The following NIPSNAP2 variants were observed in gnomAD, a reference collection of about 807,000 sequenced individuals.
NIPSNAP2 encodes the protein protein NipSnap homolog 2.
A neutral mutation model predicts 48.4 loss-of-function variants in NIPSNAP2; 42 were observed. That is an observed-to-expected ratio of 0.87 (90% confidence interval 0.68 to 1.12). The LOEUF (loss-of-function observed/expected upper bound fraction) is 1.12, where lower values mean the gene tolerates loss of function less well. Ranked by LOEUF, NIPSNAP2 falls within the 50% of genes most tolerant of loss-of-function variation. NIPSNAP2 has a pLI of 0.00. For missense variants in NIPSNAP2, 314 were observed against 347.3 expected, an observed-to-expected ratio of 0.90 and a Z score of 0.76; for synonymous variants, 158 against 126.6, an observed-to-expected ratio of 1.25 and a Z score of -1.67.
chr7:55,995,020 A>G, intron 8 of NIPSNAP2, 32 bp downstream of exon 8: 1 of 1,556,932 alleles, frequency 6.4e-7, no homozygotes, highest in Non-Finnish European at 8.9e-7. Flanking sequence ...AGTTACTGGG[A>G]TTTAAGAGTT....
intron 6 of NIPSNAP2, among the ~76,000 whole-genome samples, chr7:55,984,616 G>A (rs1305479114): frequency 6.6e-6 from 1 of 151,706 alleles, no homozygotes; most frequent in Non-Finnish European, 1.5e-5. Context: ...CTACTCAGGA[G>A]GCTGAGGCAG....
At chr7:55,993,342 C>T (rs541850428) in intron 7 of NIPSNAP2, among the ~76,000 whole-genome samples, 35 of 151,548 alleles carry the variant, frequency 2.3e-4, no homozygotes, top group Non-Finnish European at 8.8e-5. Context: ...TGCCTGTAAT[C>T]CCAGCAGTTT....
At chr7:55,978,315 T>A in intron 2 of NIPSNAP2, 35 bp from the exon 3 acceptor site, 1 of 1,613,552 alleles carries the variant, frequency 6.2e-7, no homozygotes, top group Non-Finnish European at 8.5e-7. Context: ...TCCCCTTTGT[T>A]CCTAAGTTTA....
rs555186505 is a variant in NIPSNAP2, at chr7:55,965,887, T to C, written c.92+1186T>C. On this transcript the variant is annotated intron_variant, in intron 1 of 9. Transcript: ENST00000322090. ...TGAATCACCAGGCGCGGCCTGATCT[T>C]TTTAAAAAGATGAGTCTGACTTGGG... Among the ~76,000 whole-genome samples, 214 of 152,280 alleles carry C rather than the reference T, an allele frequency of 1.4e-3. 2 individuals are homozygous for C. The South Asian group carries it at 0.018, about 13-fold the overall frequency.
At chr7:55,981,625 A>T in intron 4 of NIPSNAP2, 58 bp downstream of exon 4, 1 of 1,111,914 alleles carries the variant, frequency 9.0e-7, no homozygotes, top group Non-Finnish European at 1.3e-6. Flanking sequence ...GTAACACTTA[A>T]GTAATTTTCT....
At chr7:55,983,383 T>A (rs1160737229) in intron 5 of NIPSNAP2, among the ~76,000 whole-genome samples, 1 of 152,218 alleles carries the variant, frequency 6.6e-6, no homozygotes, top group Admixed American at 6.5e-5. Flanking sequence ...ATAAATAGGT[T>A]TTGAATTATC....
intron 7 of NIPSNAP2, among the ~76,000 whole-genome samples, chr7:55,990,703 T>C (rs1346959649): frequency 2.0e-5 from 3 of 152,186 alleles, no homozygotes; most frequent in Non-Finnish European, 4.4e-5. Context: ...GGGTTTGAGT[T>C]ACTTGACAGC....
At chr7:55,965,475 C>T (rs1786873616) in intron 1 of NIPSNAP2, among the ~76,000 whole-genome samples, 1 of 152,106 alleles carries the variant, frequency 6.6e-6, no homozygotes, top group African/African-American at 2.4e-5. Flanking sequence ...TTCTCGTATT[C>T]ATTGCTTTGG....
At chr7:55,974,847 T>TAAAAA (rs11391060) in intron 1 of NIPSNAP2, among the ~76,000 whole-genome samples, 1 of 112,280 alleles carries the variant, frequency 8.9e-6, no homozygotes, top group Non-Finnish European at 1.7e-5. Flanking sequence ...GACTCTGTCT[T>TAAAAA]AAAAAAAAAA....
intron 8 of NIPSNAP2, 137 bp from the exon 9 acceptor site, chr7:55,997,229 C>A: frequency 1.8e-6 from 1 of 547,994 alleles, no homozygotes; most frequent in Non-Finnish European, 3.2e-6. Context: ...CAGAATTTCC[C>A]CAGCCCAGTA....
chr7:55,989,029 A>G (rs1416153271), intron 7 of NIPSNAP2, among the ~76,000 whole-genome samples: 1 of 152,212 alleles, frequency 6.6e-6, no homozygotes, highest in Admixed American at 6.5e-5. Context: ...CAAGTTAGAA[A>G]GCAAACATCC....
chr7:55,975,082 G>A lies in NIPSNAP2; in HGVS notation c.93-3044G>A, dbSNP rs549501404. Among the ~76,000 whole-genome samples, 3 of 152,146 alleles carry A rather than the reference G, an allele frequency of 2.0e-5. No homozygotes were observed. The East Asian group carries it at 5.8e-4, about 30-fold the overall frequency. ...TGGAGAGCAAAAGTAGCTGGGCATGGTGGCTCATGCTCGAAATCTCAACAC... is the reference window on the plus strand; with the variant it reads ...TGGAGAGCAAAAGTAGCTGGGCATGATGGCTCATGCTCGAAATCTCAACAC... On this transcript the variant is annotated intron_variant, in intron 1 of 9. Coordinates refer to ENST00000322090, the MANE Select transcript of NIPSNAP2 (RefSeq NM_001483.3).
chr7:55,981,644 G>T (rs1787218778), intron 4 of NIPSNAP2, 77 bp downstream of exon 4: 1 of 923,380 alleles, frequency 1.1e-6, no homozygotes, highest in South Asian at 1.6e-5. Flanking sequence ...CTAATTTAAT[G>T]CTTGTTCTTA....
intron 1 of NIPSNAP2, among the ~76,000 whole-genome samples, chr7:55,965,613 T>C (rs1444636785): frequency 2.0e-5 from 3 of 152,120 alleles, no homozygotes; most frequent in African/African-American, 7.2e-5. Flanking sequence ...GGAGTTTTGC[T>C]CTCGTTGCCC....
chr7:55,975,977 C>T (rs1160608262), intron 1 of NIPSNAP2, among the ~76,000 whole-genome samples: 1 of 152,166 alleles, frequency 6.6e-6, no homozygotes, highest in Non-Finnish European at 1.5e-5. Context: ...GTGGAGGTTG[C>T]AGTCAGCTGA....
intron 1 of NIPSNAP2, among the ~76,000 whole-genome samples, chr7:55,971,930 G>A (rs1787021957): frequency 1.3e-5 from 2 of 151,944 alleles, no homozygotes; most frequent in African/African-American, 4.8e-5. Context: ...GTTCATAATT[G>A]TTATTCCTAA....
At chr7:55,968,136 T>C (rs562172285) in intron 1 of NIPSNAP2, among the ~76,000 whole-genome samples, 58 of 152,214 alleles carry the variant, frequency 3.8e-4, no homozygotes, top group African/African-American at 1.3e-3. Context: ...TAGAAAGATC[T>C]CTATGACACA....
intron 7 of NIPSNAP2, among the ~76,000 whole-genome samples, chr7:55,985,839 G>A (rs912009321): frequency 6.6e-6 from 1 of 150,526 alleles, no homozygotes; most frequent in African/African-American, 2.4e-5. Flanking sequence ...CCTGAAGTTA[G>A]GAGTTCGAGA....
intron 3 of NIPSNAP2, chr7:55,981,238 A>G: frequency 3.1e-6 from 1 of 323,634 alleles, no homozygotes; most frequent in East Asian, 5.5e-5. Context: ...TACTGATTGA[A>G]CAACTCTTCT....
Sources: gnomAD v4.1 joint callset for allele counts (sites outside exome capture counted in the v4.1 genomes callset) on GRCh38, gnomAD v4.1.1 for gene constraint, MANE v1.5 for transcripts, NCBI Gene and HGNC (gene_info 2026-07-23, HGNC 2026-07-21) for gene names.